RBFOX1: variants seen among roughly 807,000 people sequenced by gnomAD.
RBFOX1 encodes the protein RNA binding fox-1 homolog 1, also known as RNA binding protein fox-1 homolog 1.
Under a neutral mutation model 57.7 loss-of-function variants are expected in RBFOX1, and 8 were observed. The ratio of observed to expected loss-of-function variants is 0.14; its 90% CI spans 0.08 to 0.25. RBFOX1 has a LOEUF of 0.25. Among genes scored for constraint, RBFOX1 ranks in the 10% least tolerant of loss-of-function variants. The pLI, the probability that RBFOX1 is intolerant of heterozygous loss-of-function variation, is 1.00. For synonymous variants in RBFOX1, 326 were observed against 222.4 expected, an observed-to-expected ratio of 1.47 and a Z score of -4.15; for missense variants, 611 against 548.5, an observed-to-expected ratio of 1.11 and a Z score of -1.14.
chr16:6,153,542 T>C (rs1030920107), intron 1 of RBFOX1, among the ~76,000 whole-genome samples: 2 of 152,182 alleles, frequency 1.3e-5, no homozygotes, highest in African/African-American at 4.8e-5. Flanking sequence ...GTACGTTTTT[T>C]TTTTCCCCCT....
chr16:7,048,416 C>T (rs2048801562), intron 3 of RBFOX1, among the ~76,000 whole-genome samples: 1 of 151,980 alleles, frequency 6.6e-6, no homozygotes, highest in Non-Finnish European at 1.5e-5. Flanking sequence ...CGTGTCGCCA[C>T]ACCCAGCTAA....
At chr16:6,948,172 C>T (rs1215517962) in intron 3 of RBFOX1, among the ~76,000 whole-genome samples, 1 of 151,938 alleles carries the variant, frequency 6.6e-6, no homozygotes, top group Non-Finnish European at 1.5e-5. Context: ...TGGCTCATAC[C>T]TGTAATCCCA....
At chr16:6,611,323 T>A (rs929593995) in intron 2 of RBFOX1, among the ~76,000 whole-genome samples, 2 of 152,026 alleles carry the variant, frequency 1.3e-5, no homozygotes, top group African/African-American at 2.4e-5. Context: ...ATTTTTGTAT[T>A]TTTAGTAGAG....
chr16:6,966,893 C>CTCCATCCA (rs35524908), intron 3 of RBFOX1, among the ~76,000 whole-genome samples: 4 of 149,598 alleles, frequency 2.7e-5, no homozygotes, highest in African/African-American at 7.5e-5. Flanking sequence ...CTATTCATCT[C>CTCCATCCA]TCCATCCATC....
chr16:5,556,486 C>G (rs190504367), intron 2 of RBFOX1, among the ~76,000 whole-genome samples: 2 of 152,194 alleles, frequency 1.3e-5, no homozygotes. Flanking sequence ...CTTTTCCCCC[C>G]GCTTTTTCTA....
chr16:5,496,479 G>A (rs1032121164), intron 2 of RBFOX1, among the ~76,000 whole-genome samples: 4 of 152,016 alleles, frequency 2.6e-5, no homozygotes, highest in Non-Finnish European at 5.9e-5. Flanking sequence ...ATCTGCAGTG[G>A]TCTCTCTAGT....
intron 2 of RBFOX1, among the ~76,000 whole-genome samples, chr16:6,579,961 T>C (rs560869319): frequency 1.1e-4 from 17 of 152,218 alleles, no homozygotes; most frequent in African/African-American, 4.1e-4. Flanking sequence ...TTGTTGTTTT[T>C]TCTTTTTTCT....
At position 7,555,405 on chromosome 16, in the gene RBFOX1, G is replaced by A. The variant is rs529243183; in HGVS notation, c.271-24372G>A. On this transcript the variant is annotated intron_variant, in intron 5 of 15. Transcript: ENST00000550418. ...AATAGACACCAGTGTTACCTTCCTC[G>A]TTCTGATAAATGCACGTAGTTGGGT... Among the ~76,000 whole-genome samples the A allele has an allele frequency of 1.2e-4, 18 of 152,252 alleles. No homozygotes were observed. In the South Asian group the frequency reaches 2.3e-3, roughly 19 times the overall value.
intron 2 of RBFOX1, among the ~76,000 whole-genome samples, chr16:6,531,212 G>T (rs780096339): frequency 1.1e-4 from 17 of 152,072 alleles, no homozygotes; most frequent in African/African-American, 3.9e-4. Flanking sequence ...TTTCTCCAGC[G>T]CTCAGGGACA....
chr16:6,380,296 A>G (rs1183007395), intron 2 of RBFOX1, among the ~76,000 whole-genome samples: 2 of 151,524 alleles, frequency 1.3e-5, no homozygotes, highest in Non-Finnish European at 2.9e-5. Flanking sequence ...TTCTCCTTGG[A>G]AAGAGAACAG....
chr16:7,681,547 C>G (rs1051945289), intron 14 of RBFOX1, among the ~76,000 whole-genome samples: 4 of 152,070 alleles, frequency 2.6e-5, no homozygotes, highest in Non-Finnish European at 5.9e-5. Flanking sequence ...AGTGATATTC[C>G]ATTTTAATTG....
At chr16:5,782,346 T>C (rs2054350210) in intron 3 of RBFOX1, among the ~76,000 whole-genome samples, 1 of 152,198 alleles carries the variant, frequency 6.6e-6, no homozygotes, top group South Asian at 2.1e-4. Flanking sequence ...TGTGTCCTCC[T>C]ATGATGGAGG....
chr16:7,319,343 G>A (rs1306126121), intron 4 of RBFOX1, among the ~76,000 whole-genome samples: 1 of 152,126 alleles, frequency 6.6e-6, no homozygotes, highest in Non-Finnish European at 1.5e-5. Context: ...CCTATGATAG[G>A]TGGGCGTGTA....
chr16:5,607,614 T>C (rs1458847101), intron 3 of RBFOX1, among the ~76,000 whole-genome samples: 2 of 152,166 alleles, frequency 1.3e-5, no homozygotes, highest in African/African-American at 2.4e-5. Context: ...CAGTAGGTGC[T>C]TAGTAAGGCT....
chr16:7,524,705 C>A (rs1018203605), intron 5 of RBFOX1, among the ~76,000 whole-genome samples: 1 of 152,206 alleles, frequency 6.6e-6, no homozygotes, highest in Admixed American at 6.5e-5. Flanking sequence ...TTTAGAGAGC[C>A]AGGTTCTTCT....
At chr16:7,348,994 G>C (rs9924010) in intron 4 of RBFOX1, among the ~76,000 whole-genome samples, 1 of 151,918 alleles carries the variant, frequency 6.6e-6, no homozygotes, top group African/African-American at 2.4e-5. Context: ...CCAGTCAACC[G>C]GGTGAGTAGG....
chr16:6,347,439 AC>A (rs1326344071), intron 2 of RBFOX1, among the ~76,000 whole-genome samples: 1 of 152,204 alleles, frequency 6.6e-6, no homozygotes, highest in Non-Finnish European at 1.5e-5. Context: ...TAGATGCTAA[AC>A]AAATGGTTGC....
At chr16:7,390,153 C>G (rs773611467) in intron 4 of RBFOX1, among the ~76,000 whole-genome samples, 4 of 152,070 alleles carry the variant, frequency 2.6e-5, no homozygotes, top group South Asian at 2.1e-4. Flanking sequence ...CTTGTGAAAA[C>G]TCTATCAAAA....
At position 5,669,313 on chromosome 16, in the gene RBFOX1, G is replaced by A. The variant is rs377526058; in HGVS notation, c.318+70352G>A. 1.7e-3 allele frequency among the ~76,000 whole-genome samples: 265 copies of A among 152,226 alleles called. 1 individual carries two copies. The highest frequency in any genetic ancestry group is 6.0e-3 in the African/African-American group (250 of 41,538). ...ACTATCTCAGCCTACCCAGCAGCAG[G>A]AGGGAGCCAAGTTTCTGCAAAAGCC... On this transcript the variant is annotated intron_variant, in intron 3 of 19. Transcript: ENST00000641259.
Sources: gnomAD v4.1 joint callset for allele counts (sites outside exome capture counted in the v4.1 genomes callset) on GRCh38, gnomAD v4.1.1 for gene constraint, MANE v1.5 for transcripts, NCBI Gene and HGNC (gene_info 2026-07-23, HGNC 2026-07-21) for gene names.